SMAD3: variants seen among roughly 807,000 people sequenced by gnomAD.
SMAD3 encodes the protein MAD homolog 3.
Under a neutral mutation model 51.8 loss-of-function variants are expected in SMAD3, and 12 were observed. That is an observed-to-expected ratio of 0.23 (90% CI 0.15 to 0.38). SMAD3 has a LOEUF of 0.38. SMAD3 is among the 10% of genes least tolerant of loss of function. The pLI is 1.00. For synonymous variants in SMAD3, 238 were observed against 227.7 expected, an observed-to-expected ratio of 1.05 and a Z score of -0.41; for missense variants, 294 against 565.6, an observed-to-expected ratio of 0.52 and a Z score of 4.87.
In SMAD3 at chr15:67,166,853, G is replaced by A. The variant is rs1416583276; in HGVS notation, c.607G>A (p.Gly203Ser). The A allele has an allele frequency of 1.9e-6, 3 of 1,585,612 alleles. No homozygotes were observed. In the African/African-American group the frequency reaches 4.0e-5, roughly 21 times the overall value. The change falls in exon 4 of 9, where the codon GGT becomes AGT. Residue 203 changes from glycine (G) to serine (S), a missense_variant and splice_region_variant. Transcript: ENST00000327367. ...CCAGATGAACCACAGCATGGACGCA[G>A]GTCAGTCATGCAGGGTCATGCTCTT... ...DHQMNHSMDA[G>S]SPNLSPNPMS... is the part of the protein sequence containing the mutation.
chr15:67,085,363 T>C (rs986926885), intron 1 of SMAD3, among the ~76,000 whole-genome samples: 1 of 152,184 alleles, frequency 6.6e-6, no homozygotes, highest in African/African-American at 2.4e-5. Flanking sequence ...TGGCTTCCTC[T>C]TCTATAAACT....
chr15:67,095,537 A>G (rs1314975889), intron 1 of SMAD3, among the ~76,000 whole-genome samples: 1 of 134,552 alleles, frequency 7.4e-6, no homozygotes, highest in Non-Finnish European at 1.6e-5. Context: ...CTCTGCTGTC[A>G]CCAGCTTGAA....
intron 4 of SMAD3, among the ~76,000 whole-genome samples, chr15:67,167,979 A>G (rs1193804550): frequency 6.6e-6 from 1 of 152,194 alleles, no homozygotes; most frequent in Non-Finnish European, 1.5e-5. Context: ...TCCCAGACAG[A>G]GTCTCCCTCT....
chr15:67,137,244 C>T (rs1961690439), intron 1 of SMAD3, among the ~76,000 whole-genome samples: 1 of 152,138 alleles, frequency 6.6e-6, no homozygotes, highest in Admixed American at 6.5e-5. Context: ...CTATTTGGTT[C>T]ACAGATATAA....
intron 1 of SMAD3, among the ~76,000 whole-genome samples, chr15:67,163,127 C>T (rs1364965068): frequency 6.6e-6 from 1 of 152,124 alleles, no homozygotes; most frequent in Non-Finnish European, 1.5e-5. Context: ...GCGCCCGCCA[C>T]CATGCCTGGC....
intron 1 of SMAD3, among the ~76,000 whole-genome samples, chr15:67,132,040 T>C (rs1170326775): frequency 1.3e-5 from 2 of 152,138 alleles, no homozygotes; most frequent in African/African-American, 4.8e-5. Flanking sequence ...TTGAGTGGTA[T>C]CTCCTATGCC....
At chr15:67,138,346 C>A (rs974499701) in intron 1 of SMAD3, 28 of 473,460 alleles carry the variant, frequency 5.9e-5, no homozygotes, top group African/African-American at 3.3e-4. Context: ...TCCCCTGAAC[C>A]CCCCCTCCCC....
At chr15:67,124,230 C>G (rs563735838) in intron 1 of SMAD3, among the ~76,000 whole-genome samples, 15 of 152,310 alleles carry the variant, frequency 9.8e-5, no homozygotes, top group African/African-American at 3.6e-4. Context: ...CTCAAGTGAT[C>G]CTCCCGCCTC....
At position 67,114,002 on chromosome 15, in the gene SMAD3, G is replaced by A. The variant is rs571156529; in HGVS notation, c.206+47642G>A. 2.0e-3 allele frequency among the ~76,000 whole-genome samples: 308 copies of A among 152,314 alleles called. 2 individuals carry two copies. The highest frequency in any genetic ancestry group is 7.1e-3 in the African/African-American group (297 of 41,566). ...TGAGGTTAGTTGGGACCAATTTGGC[G>A]GTGGAGAAGTGGCAGGGGCTGCCCT... On this transcript the variant is annotated intron_variant, in intron 1 of 8. Coordinates refer to ENST00000327367, the MANE Select transcript of SMAD3 (RefSeq NM_005902.4).
intron 1 of SMAD3, among the ~76,000 whole-genome samples, chr15:67,135,875 G>A (rs1245128332): frequency 6.6e-6 from 1 of 152,140 alleles, no homozygotes; most frequent in Non-Finnish European, 1.5e-5. Flanking sequence ...ATTCACATCA[G>A]GTATTTGTAA....
At chr15:67,120,343 G>C (rs1217586981) in intron 1 of SMAD3, among the ~76,000 whole-genome samples, 1 of 152,006 alleles carries the variant, frequency 6.6e-6, no homozygotes, top group Non-Finnish European at 1.5e-5. Flanking sequence ...GTTGGGGAGG[G>C]GTATCAAGGA....
At chr15:67,160,750 G>A (rs185735106) in intron 1 of SMAD3, among the ~76,000 whole-genome samples, 3 of 111,308 alleles carry the variant, frequency 2.7e-5, no homozygotes, top group Admixed American at 1.4e-4. Flanking sequence ...CAGCCTGGGC[G>A]ACAGAGCGAG....
At position 67,191,755 on chromosome 15, in the gene SMAD3, T is replaced by G; in HGVS notation, c.*1219T>G. The G allele has an allele frequency of 4.3e-6, 1 of 230,654 alleles. No homozygotes were observed. Among genetic ancestry groups the G allele is most frequent in the Non-Finnish European group, 8.6e-6 (1 of 116,384 alleles). The allele number at this position is 230,654 out of a possible 1,614,324, so 14.3% of individuals were successfully genotyped here. A position where few individuals can be genotyped will look rare whatever the true frequency, so the allele number is the denominator to read the frequency against. On this transcript the variant is annotated 3_prime_UTR_variant, in exon 9 of 9. Coordinates refer to ENST00000327367, the MANE Select transcript of SMAD3 (RefSeq NM_005902.4). ...AGGCAAATGAAAAGGGCTATTAAAATATTTTTACACCTTTGAAAATTGCAG... is the reference window on the plus strand; with the variant it reads ...AGGCAAATGAAAAGGGCTATTAAAAGATTTTTACACCTTTGAAAATTGCAG...
Position 67,178,954 on chromosome 15 carries a change from C to G in SMAD3, c.659-2287C>G, listed in dbSNP as rs981231943. ...AAACGACAAGAATGCTTTGCCTCTC[C>G]ATCTTGATGGTGATCAAGATAGGAC... On this transcript the variant is annotated intron_variant, in intron 5 of 8. Coordinates refer to ENST00000327367, the MANE Select transcript of SMAD3 (RefSeq NM_005902.4). 2.0e-5 allele frequency among the ~76,000 whole-genome samples: 3 copies of G among 152,296 alleles called. No individual in the cohort carries two copies. The East Asian group carries it at 5.8e-4, about 29-fold the overall frequency.
intron 1 of SMAD3, among the ~76,000 whole-genome samples, chr15:67,118,884 C>T (rs571850795): frequency 6.6e-6 from 1 of 152,296 alleles, no homozygotes. Context: ...GACATGCATC[C>T]CCTGTTGTAC....
intron 5 of SMAD3, among the ~76,000 whole-genome samples, chr15:67,173,187 C>G (rs1962799348): frequency 6.6e-6 from 1 of 152,082 alleles, no homozygotes; most frequent in Admixed American, 6.5e-5. Flanking sequence ...TCAACATTGG[C>G]TGAGTTCCCA....
intron 1 of SMAD3, among the ~76,000 whole-genome samples, chr15:67,118,004 A>G (rs1183304708): frequency 1.3e-5 from 2 of 152,246 alleles, no homozygotes; most frequent in Non-Finnish European, 2.9e-5. Flanking sequence ...AGACAGGAGA[A>G]TTGCTTGAAC....
rs549701433 is a variant in SMAD3 at position 67,168,449 on chromosome 15, C to T, written c.607+1596C>T. 2.4e-4 allele frequency among the ~76,000 whole-genome samples: 36 copies of T among 152,356 alleles called. No individual in the cohort carries two copies. In the South Asian group the frequency reaches 6.8e-3, roughly 29 times the overall value. On this transcript the variant is annotated intron_variant, in intron 4 of 8. Coordinates refer to ENST00000327367, the MANE Select transcript of SMAD3 (RefSeq NM_005902.4). The stretch of plus-strand genomic sequence containing the variant: ...CCAAGTGACCGCTGCAAGCTTGCAG[C>T]TATTCAGTGCAGGCGTGGGAAGCAG...
At chr15:67,144,580 T>G (rs2140269370) in intron 1 of SMAD3, among the ~76,000 whole-genome samples, 1 of 152,346 alleles carries the variant, frequency 6.6e-6, no homozygotes, top group South Asian at 2.1e-4. Flanking sequence ...TGTGCCAGGC[T>G]TGATGGTGCT....
Sources: gnomAD v4.1 joint callset for allele counts (sites outside exome capture counted in the v4.1 genomes callset) on GRCh38, gnomAD v4.1.1 for gene constraint, MANE v1.5 for transcripts, NCBI Gene and HGNC (gene_info 2026-07-23, HGNC 2026-07-21) for gene names.